Variants in CORIN observed in about 807,000 individuals in gnomAD.
The protein encoded by CORIN is atrial natriuretic peptide-converting enzyme.
Under a neutral mutation model 125.3 loss-of-function variants are expected in CORIN, and 117 were observed. That is an observed-to-expected ratio of 0.93 (90% CI 0.80 to 1.09). The LOEUF (loss-of-function observed/expected upper bound fraction) is 1.09, where lower values mean the gene tolerates loss of function less well. CORIN is among the 50% of genes least tolerant of loss of function. The probability of loss-of-function intolerance (pLI) is 0.00; values close to 1 mark genes in which losing one functional copy is unlikely to be tolerated. For missense variants in CORIN, 1,253 were observed against 1,306.7 expected, an observed-to-expected ratio of 0.96 and a Z score of 0.63; for synonymous variants, 450 against 466.4, an observed-to-expected ratio of 0.96 and a Z score of 0.45.
intron 13 of CORIN, among the ~76,000 whole-genome samples, chr4:47,646,547 C>T (rs1398926013): frequency 6.6e-6 from 1 of 152,160 alleles, no homozygotes; most frequent in Non-Finnish European, 1.5e-5. Context: ...TGACAAGAGT[C>T]TAATATGTTT....
chr4:47,649,240 T>C lies in CORIN; in HGVS notation c.1844-4046A>G, dbSNP rs73238622. Reference sequence around the variant, plus strand: ...GGAATGGATGGGACTTTAAACTGCATGGCTCTAATCCTAAAAAGAGAGAAC... The same window carrying C: ...GGAATGGATGGGACTTTAAACTGCACGGCTCTAATCCTAAAAAGAGAGAAC... On this transcript the variant is annotated intron_variant, in intron 13 of 21. Coordinates refer to ENST00000273857, the MANE Select transcript of CORIN (RefSeq NM_006587.4). Among the ~76,000 whole-genome samples, 1,455 of 152,336 alleles carry C rather than the reference T, an allele frequency of 9.6e-3. 16 individuals are homozygous for C. Among genetic ancestry groups the C allele is most frequent in the Middle Eastern group, 0.017 (5 of 294 alleles).
chr4:47,785,314 T>C (rs1730737913), intron 3 of CORIN, among the ~76,000 whole-genome samples: 1 of 152,222 alleles, frequency 6.6e-6, no homozygotes, highest in African/African-American at 2.4e-5. Flanking sequence ...CCGAGTATTC[T>C]GTATTCCGGA....
In CORIN at chr4:47,677,971, T is replaced by C. The variant is rs1250830257; in HGVS notation, c.1216A>G (p.Lys406Glu). The C allele has an allele frequency of 7.4e-6, 12 of 1,613,832 alleles. No individual in the cohort carries two copies. The African/African-American group carries it at 1.6e-4, about 22-fold the overall frequency. ...TFQCDGDEDC[K>E]DGSDEENCSV... The stretch of plus-strand genomic sequence containing the variant: ...CAGTTCTCCTCATCACTCCCATCCT[T>C]GCAGTCCTCGTCACCATCACATTGA... Residue 406 changes from lysine to glutamate, a missense_variant, in exon 9 of 22, where the codon AAG (lysine) becomes GAG (glutamate). Transcript: ENST00000273857.
At chr4:47,596,992 G>A (rs921485998) in intron 21 of CORIN, among the ~76,000 whole-genome samples, 3 of 152,130 alleles carry the variant, frequency 2.0e-5, no homozygotes, top group Non-Finnish European at 4.4e-5. Flanking sequence ...CTGGTAACAG[G>A]ATTCCAACTC....
chr4:47,749,604 G>A lies in CORIN; in HGVS notation c.618-5021C>T, dbSNP rs754152865. Among the ~76,000 whole-genome samples the A allele has an allele frequency of 5.9e-5, 9 of 152,098 alleles. 1 individual carries two copies. The highest frequency in any genetic ancestry group is 1.0e-4 in the Non-Finnish European group (7 of 68,024). On this transcript the variant is annotated intron_variant, in intron 4 of 21. Coordinates refer to ENST00000273857, the MANE Select transcript of CORIN (RefSeq NM_006587.4). ...CTGGCTGGGCCACTCCCAGATATCC[G>A]GCCCATAGCAACTGTATAATAATAT...
intron 5 of CORIN, among the ~76,000 whole-genome samples, chr4:47,734,624 A>C (rs1393165577): frequency 2.0e-5 from 3 of 152,168 alleles, no homozygotes; most frequent in Non-Finnish European, 2.9e-5. Context: ...ACACTCCTTA[A>C]AGGTAGGAAG....
At chr4:47,719,843 T>C (rs1318280826) in intron 5 of CORIN, among the ~76,000 whole-genome samples, 4 of 152,238 alleles carry the variant, frequency 2.6e-5, no homozygotes, top group Non-Finnish European at 5.9e-5. Context: ...TGTTAGGCAA[T>C]TTCAGAAAAC....
At chr4:47,614,250 T>C (rs1240560077) in intron 19 of CORIN, among the ~76,000 whole-genome samples, 4 of 152,160 alleles carry the variant, frequency 2.6e-5, no homozygotes, top group African/African-American at 4.8e-5. Context: ...TGGAGTGCAA[T>C]GGCATGATCT....
Position 47,595,830 on chromosome 4 carries a change from C to G in CORIN, c.3020G>C (p.Gly1007Ala). 6.2e-7 allele frequency: 1 copy of G among 1,613,756 alleles called. No homozygotes were observed. Among genetic ancestry groups the G allele is most frequent in the Non-Finnish European group, 8.5e-7 (1 of 1,179,780 alleles). The change falls in exon 22 of 22, where the codon GGC becomes GCC. Residue 1007 changes from glycine (G) to alanine (A), a missense_variant. Gly to Ala is a moderately conservative substitution (Grantham distance 60). Transcript: ENST00000273857. Reference sequence around the variant, plus strand: ...CAGGACTTTGGAAAAGCAGACGGAGCCCCATGAAGTTAATCCAAATAATGT... The same window carrying G: ...CAGGACTTTGGAAAAGCAGACGGAGGCCCATGAAGTTAATCCAAATAATGT... ...RWTLFGLTSW[G>A]SVCFSKVLGP... is the part of the protein sequence containing the mutation.
chr4:47,609,502 A>C (rs2109523470), intron 19 of CORIN, among the ~76,000 whole-genome samples: 1 of 152,256 alleles, frequency 6.6e-6, no homozygotes, highest in South Asian at 2.1e-4. Context: ...AGCCTTCCAA[A>C]GTGCTGGGAT....
chr4:47,775,125 C>G (rs1328318051), intron 3 of CORIN, among the ~76,000 whole-genome samples: 1 of 152,010 alleles, frequency 6.6e-6, no homozygotes, highest in African/African-American at 2.4e-5. Flanking sequence ...GCTGACTAGA[C>G]GCATACAAGT....
chr4:47,703,552 G>T (rs191165390), intron 5 of CORIN, among the ~76,000 whole-genome samples: 56 of 152,234 alleles, frequency 3.7e-4, no homozygotes, highest in Non-Finnish European at 7.1e-4. Context: ...CACTATCTGC[G>T]CTGCTTTGGC....
intron 1 of CORIN, among the ~76,000 whole-genome samples, chr4:47,814,234 CTG>C (rs1461021767): frequency 4.1e-4 from 62 of 152,280 alleles, no homozygotes. Context: ...CCTCTAAACA[CTG>C]TGGGGGCATT....
chr4:47,757,889 T>TATATAC lies in CORIN; in HGVS notation c.617+5489_617+5490insGTATAT, dbSNP rs1393377723. 1.3e-4 allele frequency among the ~76,000 whole-genome samples: 19 copies of TATATAC among 143,778 alleles called. No individual in the cohort carries two copies. The South Asian group carries it at 3.9e-3, about 29-fold the overall frequency. The allele number at this position is 143,778 out of a possible 152,430, so 94.3% of individuals were successfully genotyped here. Reference sequence around the variant, plus strand: ...ATACATATATATATGTATATATATATATATATATATATATATACACAAATA... The same window carrying TATATAC: ...ATACATATATATATGTATATATATATATATACATATATATATATATATACACAAATA... On this transcript the variant is annotated intron_variant, in intron 4 of 21. Transcript: ENST00000273857.
intron 19 of CORIN, among the ~76,000 whole-genome samples, chr4:47,618,596 G>T (rs1722173734): frequency 6.6e-6 from 1 of 151,958 alleles, no homozygotes; most frequent in Non-Finnish European, 1.5e-5. Flanking sequence ...GAGGAGGGCG[G>T]ATCACAAGGT....
At chr4:47,619,821 C>A (rs915114159) in intron 19 of CORIN, among the ~76,000 whole-genome samples, 4 of 152,174 alleles carry the variant, frequency 2.6e-5, no homozygotes, top group African/African-American at 7.2e-5. Flanking sequence ...GTAATCATCG[C>A]TTGATGAATG....
chr4:47,686,615 TG>T (rs1452322162), intron 6 of CORIN, among the ~76,000 whole-genome samples: 6 of 152,142 alleles, frequency 3.9e-5, no homozygotes, highest in African/African-American at 1.4e-4. Context: ...TACACTACCT[TG>T]TGAAATTCTA....
chr4:47,803,242 G>T (rs185389648), intron 2 of CORIN, among the ~76,000 whole-genome samples: 13 of 152,190 alleles, frequency 8.5e-5, no homozygotes, highest in African/African-American at 2.4e-5. Flanking sequence ...GATGTTCATG[G>T]ATTGGAAGAA....
At chr4:47,833,487 G>A (rs1462436079) in intron 1 of CORIN, among the ~76,000 whole-genome samples, 17 of 137,006 alleles carry the variant, frequency 1.2e-4, no homozygotes, top group Admixed American at 8.2e-4. Context: ...TGATCTCGGC[G>A]ATAATTTCTT....
Sources: gnomAD v4.1 joint callset for allele counts (sites outside exome capture counted in the v4.1 genomes callset) on GRCh38, gnomAD v4.1.1 for gene constraint, MANE v1.5 for transcripts, NCBI Gene and HGNC (gene_info 2026-07-23, HGNC 2026-07-21) for gene names.